The following KLF12 variants were observed in gnomAD, a reference collection of about 807,000 sequenced individuals.
KLF12 encodes the protein Krueppel-like factor 12.
A neutral mutation model predicts 37.8 loss-of-function variants in KLF12; 9 were observed. The observed-to-expected ratio is 0.24, with a 90% CI of 0.14 to 0.42. The LOEUF (loss-of-function observed/expected upper bound fraction) is 0.42, where lower values mean the gene tolerates loss of function less well. Ranked by LOEUF, KLF12 falls within the 10% of genes least tolerant of loss-of-function variation. The pLI is 1.00. For synonymous variants in KLF12, 208 were observed against 202.1 expected (o/e 1.03, Z -0.25); for missense variants, 411 against 516.0 (o/e 0.80, Z 1.97).
the KLF12 span, among the ~76,000 whole-genome samples, chr13:74,150,748 C>A: frequency 2.6e-5 from 4 of 152,124 alleles, no homozygotes; most frequent in Non-Finnish European, 4.4e-5. Context: ...GCATGACCAT[C>A]AACCTGATCA....
At chr13:74,247,073 G>T in the KLF12 span, among the ~76,000 whole-genome samples, 1 of 152,116 alleles carries the variant, frequency 6.6e-6, no homozygotes, top group Non-Finnish European at 1.5e-5. Context: ...AATGAATTTT[G>T]AAGCAGTAAG....
chr13:74,106,255 A>G (rs1223716747), intron 1 of KLF12, among the ~76,000 whole-genome samples: 1 of 152,234 alleles, frequency 6.6e-6, no homozygotes, highest in East Asian at 1.9e-4. Context: ...TAACACAGGT[A>G]ATTCAACAGC....
intron 3 of KLF12, among the ~76,000 whole-genome samples, chr13:73,916,764 A>T (rs991999407): frequency 1.3e-5 from 2 of 152,224 alleles, no homozygotes; most frequent in Admixed American, 6.5e-5. Flanking sequence ...TTAGTGACAG[A>T]CTGTAGTCAC....
the KLF12 span, among the ~76,000 whole-genome samples, chr13:74,256,641 T>C: frequency 6.6e-6 from 1 of 152,120 alleles, no homozygotes; most frequent in African/African-American, 2.4e-5. Context: ...GGTGAGTTTA[T>C]ACAGCATTAA....
Position 73,706,078 on chromosome 13 carries a change from G to A in KLF12, c.1027+9290C>T, listed in dbSNP as rs577643113. Among the ~76,000 whole-genome samples, 6 of 152,240 alleles carry A rather than the reference G, an allele frequency of 3.9e-5. 1 individual carries two copies. The highest frequency in any genetic ancestry group is 1.4e-4 in the African/African-American group (6 of 41,556). ...GAGGCAGGAGAATCACTTGAACCTG[G>A]GAGGCAGAGGTTGCAGTGAGCCGAG... is the stretch of plus-strand genomic sequence containing the variant. On this transcript the variant is annotated intron_variant, in intron 7 of 7. Coordinates refer to ENST00000377669, the MANE Select transcript of KLF12 (RefSeq NM_007249.5).
chr13:74,243,148 C>A, the KLF12 span, among the ~76,000 whole-genome samples: 1 of 152,064 alleles, frequency 6.6e-6, no homozygotes, highest in East Asian at 1.9e-4. Flanking sequence ...ATATTCCCCT[C>A]CCTGTGTCCA....
rs140720765 is a variant in KLF12, at chr13:74,026,648, A to C, written c.-31-31595T>G. 2.7e-3 allele frequency among the ~76,000 whole-genome samples: 410 copies of C among 152,334 alleles called. 3 individuals are homozygous for C. Among genetic ancestry groups the C allele is most frequent in the African/African-American group, 8.8e-3 (367 of 41,566 alleles). ...TACATGTATTTTACTATAATTAAAAACAACAAATACCTGATTTGGATTCAA... is the reference window on the plus strand; with the variant it reads ...TACATGTATTTTACTATAATTAAAACCAACAAATACCTGATTTGGATTCAA... On this transcript the variant is annotated intron_variant, in intron 1 of 7. Coordinates refer to ENST00000377669, the MANE Select transcript of KLF12 (RefSeq NM_007249.5).
intron 7 of KLF12, among the ~76,000 whole-genome samples, chr13:73,700,284 AT>A: frequency 7.1e-6 from 1 of 140,816 alleles, no homozygotes; most frequent in African/African-American, 2.6e-5. Flanking sequence ...AAATAAATAA[AT>A]TAATTAATTA....
At chr13:74,285,171 C>G in the KLF12 span, among the ~76,000 whole-genome samples, 1 of 151,184 alleles carries the variant, frequency 6.6e-6, no homozygotes, top group African/African-American at 2.5e-5. Context: ...CTATAGCCAG[C>G]CCTACCTGAT....
intron 1 of KLF12, among the ~76,000 whole-genome samples, chr13:74,007,517 C>T (rs1281308764): frequency 3.9e-5 from 6 of 152,022 alleles, no homozygotes; most frequent in South Asian, 2.1e-4. Context: ...CCTCGTGATC[C>T]GCCCGCCTCG....
At chr13:74,081,968 G>A (rs1874920994) in intron 1 of KLF12, among the ~76,000 whole-genome samples, 1 of 151,954 alleles carries the variant, frequency 6.6e-6, no homozygotes, top group Non-Finnish European at 1.5e-5. Flanking sequence ...CCAAAGAATT[G>A]TTACCTAATT....
chr13:73,943,072 T>G (rs1287251996), intron 3 of KLF12, among the ~76,000 whole-genome samples: 1 of 152,240 alleles, frequency 6.6e-6, no homozygotes, highest in Non-Finnish European at 1.5e-5. Flanking sequence ...ACTCTAACAG[T>G]GAGATTTTAT....
the KLF12 span, among the ~76,000 whole-genome samples, chr13:74,205,556 A>T: frequency 5.3e-5 from 8 of 152,200 alleles, no homozygotes; most frequent in Non-Finnish European, 7.4e-5. Context: ...GACTTAGCAA[A>T]CACAATCTTG....
At chr13:74,072,283 T>C (rs1339860584) in intron 1 of KLF12, among the ~76,000 whole-genome samples, 7 of 148,016 alleles carry the variant, frequency 4.7e-5, no homozygotes, top group African/African-American at 1.7e-4. Context: ...TATGAAAATA[T>C]GATAATGAAA....
At chr13:73,707,466 T>C (rs757593362) in intron 7 of KLF12, among the ~76,000 whole-genome samples, 2 of 152,218 alleles carry the variant, frequency 1.3e-5, no homozygotes, top group Non-Finnish European at 2.9e-5. Context: ...ATAGCTCATA[T>C]TCATGAGCTA....
intron 7 of KLF12, among the ~76,000 whole-genome samples, chr13:73,706,737 T>C (rs1313563495): frequency 6.6e-6 from 1 of 152,174 alleles, no homozygotes; most frequent in Non-Finnish European, 1.5e-5. Context: ...GGCTTTCCTA[T>C]TACGTATTAT....
At chr13:73,827,333 C>A (rs1390926199) in intron 4 of KLF12, among the ~76,000 whole-genome samples, 2 of 152,166 alleles carry the variant, frequency 1.3e-5, no homozygotes, top group Non-Finnish European at 2.9e-5. Flanking sequence ...CCAAATTGAT[C>A]TCCAAAGTTG....
chr13:73,799,663 A>G (rs1882181808), intron 5 of KLF12, among the ~76,000 whole-genome samples: 1 of 152,146 alleles, frequency 6.6e-6, no homozygotes, highest in South Asian at 2.1e-4. Flanking sequence ...AGATGACAGA[A>G]GGATATTTTA....
chr13:74,233,433 G>A, the KLF12 span, among the ~76,000 whole-genome samples: 1 of 151,980 alleles, frequency 6.6e-6, no homozygotes, highest in East Asian at 1.9e-4. Context: ...AGAGTGCCTC[G>A]GGACAAGTAT....
Sources: gnomAD v4.1 joint callset for allele counts (sites outside exome capture counted in the v4.1 genomes callset) on GRCh38, gnomAD v4.1.1 for gene constraint, MANE v1.5 for transcripts, NCBI Gene and HGNC (gene_info 2026-07-23, HGNC 2026-07-21) for gene names.